PPP2R3B: variants seen among roughly 807,000 people sequenced by gnomAD.
The protein encoded by PPP2R3B is protein phosphatase 2 regulatory subunit B''beta, also known as serine/threonine-protein phosphatase 2A regulatory subunit B'' subunit beta.
In PPP2R3B, 68 loss-of-function variants were observed where a neutral mutation model predicts 72.9. The ratio of observed to expected loss-of-function variants is 0.93; its 90% CI spans 0.77 to 1.14. PPP2R3B has a LOEUF of 1.14. Among genes scored for constraint, PPP2R3B ranks in the 50% most tolerant of loss-of-function variants. PPP2R3B has a pLI of 0.00. For missense variants in PPP2R3B, 1,018 were observed against 842.0 expected, an observed-to-expected ratio of 1.21 and a Z score of -2.59; for synonymous variants, 466 against 375.8, an observed-to-expected ratio of 1.24 and a Z score of -2.78.
chrX:348,328 C>A (rs2071265967), intron 2 of PPP2R3B, among the ~76,000 whole-genome samples: 2 of 152,120 alleles, frequency 1.3e-5, no homozygotes, highest in South Asian at 4.1e-4. Flanking sequence ...GTAATCCCAG[C>A]ACTTTAGGAG....
In PPP2R3B at chrX:364,571, A is replaced by T. The variant is rs1305367169; in HGVS notation, c.325-2981T>A. 9.2e-5 allele frequency among the ~76,000 whole-genome samples: 14 copies of T among 151,492 alleles called. 1 individual carries two copies. Among genetic ancestry groups the T allele is most frequent in the Non-Finnish European group, 7.4e-5 (5 of 67,886 alleles). On this transcript the variant is annotated intron_variant, in intron 1 of 12. Coordinates refer to ENST00000390665, the MANE Select transcript of PPP2R3B (RefSeq NM_013239.5). The stretch of plus-strand genomic sequence containing the variant: ...AAACAAAAAGAGTATAAAAAAAATT[A>T]GCCGGGTGTGGTGGAGGGTGCCTGT...
chrX:366,474 A>G (rs530747956), intron 1 of PPP2R3B, among the ~76,000 whole-genome samples: 65 of 3,714 alleles, frequency 0.018, 22 homozygotes, highest in African/African-American at 0.036. Flanking sequence ...CGGAGGGTGC[A>G]GTGAGCTGAG....
chrX:384,166 G>A (rs1279463601), intron 1 of PPP2R3B, among the ~76,000 whole-genome samples: 1 of 151,964 alleles, frequency 6.6e-6, no homozygotes. Context: ...AGAGACCTCT[G>A]CAGAAACTCG....
chrX:345,716 G>T, intron 6 of PPP2R3B, 44 bp from the exon 7 acceptor site: 1 of 1,482,644 alleles, frequency 6.7e-7, no homozygotes, highest in Non-Finnish European at 9.1e-7. Flanking sequence ...CCTCTGCGGG[G>T]ATGCCCCAAG....
At chrX:375,139 C>G (rs2071961259) in intron 1 of PPP2R3B, among the ~76,000 whole-genome samples, 1 of 152,160 alleles carries the variant, frequency 6.6e-6, no homozygotes, top group Non-Finnish European at 1.5e-5. Flanking sequence ...CTTCCCTTCT[C>G]CAGCCATCCT....
intron 1 of PPP2R3B, among the ~76,000 whole-genome samples, chrX:363,350 G>A (rs76860675): frequency 0.73 from 54,875 of 75,504 alleles, 17,520 homozygotes; most frequent in African/African-American, 0.76. Flanking sequence ...CCACCATCCC[G>A]CAGTGCATCT....
intron 1 of PPP2R3B, among the ~76,000 whole-genome samples, chrX:373,292 C>T (rs1412569215): frequency 6.6e-6 from 1 of 152,224 alleles, no homozygotes; most frequent in East Asian, 1.9e-4. Flanking sequence ...CCCGGTTTTC[C>T]TAACAAGCTT....
intron 1 of PPP2R3B, among the ~76,000 whole-genome samples, chrX:371,145 C>T (rs866173066): frequency 2.0e-5 from 3 of 152,050 alleles, no homozygotes; most frequent in Admixed American, 1.3e-4. Flanking sequence ...GGGCAGGAGG[C>T]GCAGGCAGTG....
chrX:346,285 G>A (rs1569386646), intron 5 of PPP2R3B, 25 bp from the exon 6 acceptor site: 5 of 1,548,838 alleles, frequency 3.2e-6, no homozygotes, highest in Non-Finnish European at 4.4e-6. Flanking sequence ...TCAGTGCGGT[G>A]GGTGCGCAGA....
chrX:373,648 G>T (rs1334514416), intron 1 of PPP2R3B: 2 of 274,350 alleles, frequency 7.3e-6, no homozygotes, highest in Non-Finnish European at 1.5e-5. Context: ...GAGCGCTCGC[G>T]GAGTCGCATG....
chrX:379,834 T>C (rs2072085587), intron 1 of PPP2R3B, among the ~76,000 whole-genome samples: 1 of 152,212 alleles, frequency 6.6e-6, no homozygotes, highest in South Asian at 2.1e-4. Flanking sequence ...GGAAAGCAAT[T>C]TTTAAAGAAC....
At chrX:378,750 G>C (rs2072052759) in intron 1 of PPP2R3B, among the ~76,000 whole-genome samples, 1 of 152,018 alleles carries the variant, frequency 6.6e-6, no homozygotes, top group Non-Finnish European at 1.5e-5. Context: ...TGCAAGAAGG[G>C]TTTTCGACAC....
At chrX:371,632 C>T (rs1468905311) in intron 1 of PPP2R3B, among the ~76,000 whole-genome samples, 5 of 152,116 alleles carry the variant, frequency 3.3e-5, no homozygotes, top group South Asian at 4.1e-4. Context: ...AAAACAGTAC[C>T]GTGCTGCCCG....
At position 347,679 on chromosome X, in the gene PPP2R3B, GGGGCAGCCGCAGGCCTGGGGCAGAGA is replaced by G. The variant is rs1569388871; in HGVS notation, c.511-12_524del. On this transcript the variant is annotated splice_acceptor_variant and splice_polypyrimidine_tract_variant and coding_sequence_variant and intron_variant, in exon 3 of 13. Coordinates refer to ENST00000390665, the MANE Select transcript of PPP2R3B (RefSeq NM_013239.5). LOFTEE classifies it high-confidence loss of function. ...AGAAGAGCGGCCCCTTCCAGTAGAGGGGGCAGCCGCAGGCCTGGGGCAGAGAGGGCAGGAGTGGGCAGTCAGCAGGG... is the reference window on the plus strand; with the variant it reads ...AGAAGAGCGGCCCCTTCCAGTAGAGGGGGCAGGAGTGGGCAGTCAGCAGGG... 1 of 1,543,106 alleles carries G rather than the reference GGGGCAGCCGCAGGCCTGGGGCAGAGA, an allele frequency of 6.5e-7. No homozygotes were observed. Among genetic ancestry groups the G allele is most frequent in the East Asian group, 2.4e-5 (1 of 41,844 alleles).
At chrX:363,769 C>T (rs1169784953) in intron 1 of PPP2R3B, among the ~76,000 whole-genome samples, 4 of 152,270 alleles carry the variant, frequency 2.6e-5, no homozygotes, top group African/African-American at 9.6e-5. Flanking sequence ...GGGGGTCCCA[C>T]TGTGGAGCCT....
chrX:336,004 A>G (rs2070879260), intron 12 of PPP2R3B: 1 of 152,046 alleles, frequency 6.6e-6, no homozygotes. Context: ...CATCTCTACA[A>G]AAAAATACAA....
At position 346,189 on chromosome X, in the gene PPP2R3B, C is replaced by T. The variant is rs771919708; in HGVS notation, c.864G>A (p.Arg288=). ...CGCTCCGCACCTGCAGGAAGGAGCT[C>T]CTCCGCAGCTCGGCGCAGGTGATCC... The part of the protein sequence containing the change: ...SGRITCAELR[R]SSFLQNVALL... The change falls in exon 6 of 13, where the codon AGG becomes AGA. Residue 288 remains arginine (R), a synonymous_variant. Transcript: ENST00000390665. 3.8e-6 allele frequency: 6 copies of T among 1,562,316 alleles called. No homozygotes were observed. In the Admixed American group the frequency reaches 9.3e-5, roughly 24 times the overall value.
chrX:338,378 G>A (rs1056354378), intron 12 of PPP2R3B: 11 of 607,228 alleles, frequency 1.8e-5, no homozygotes, highest in East Asian at 8.3e-5. Flanking sequence ...AACCCCACGC[G>A]GGGAATGACG....
At chrX:350,825 G>A (rs921023569) in intron 2 of PPP2R3B, among the ~76,000 whole-genome samples, 1 of 152,228 alleles carries the variant, frequency 6.6e-6, no homozygotes, top group African/African-American at 2.4e-5. Flanking sequence ...GGCCCGGCCA[G>A]GACATCTGTC....
Sources: allele counts gnomAD v4.1 joint callset (sites outside exome capture counted in the v4.1 genomes callset), GRCh38; gene constraint gnomAD v4.1.1; transcripts MANE v1.5; gene names NCBI Gene and HGNC (gene_info 2026-07-23, HGNC 2026-07-21).